Variants in INPP4A observed in about 807,000 individuals in gnomAD.
INPP4A encodes the protein inositol polyphosphate-4-phosphatase, type I, 107kD.
INPP4A carries 33 observed loss-of-function variants against 119.8 expected under a neutral mutation model. The observed-to-expected ratio is 0.28, with a 90% CI of 0.21 to 0.37. The LOEUF (loss-of-function observed/expected upper bound fraction) is 0.37. INPP4A is among the 10% of genes least tolerant of loss of function. The pLI is 1.00. For missense variants in INPP4A, 956 were observed against 1,289.9 expected, an observed-to-expected ratio of 0.74 and a Z score of 3.97; for synonymous variants, 496 against 500.7, an observed-to-expected ratio of 0.99 and a Z score of 0.12.
intron 23 of INPP4A, among the ~76,000 whole-genome samples, chr2:98,574,352 G>C (rs563258428): frequency 2.0e-5 from 3 of 152,190 alleles, no homozygotes; most frequent in East Asian, 1.9e-4. Flanking sequence ...AGAATACAGA[G>C]GGTGGCCGGG....
Position 98,570,967 on chromosome 2 carries a change from G to A in INPP4A, c.2519-1848G>A, listed in dbSNP as rs1434509367. Reference sequence around the variant, plus strand: ...CCCAGAGTGTGGTGGGCAGGACCTGGGCATTAGGGTTTCAGAAACTCCCCA... The same window carrying A: ...CCCAGAGTGTGGTGGGCAGGACCTGAGCATTAGGGTTTCAGAAACTCCCCA... On this transcript the variant is annotated intron_variant, in intron 22 of 24. Transcript: ENST00000409851. This position sits in a 1 kb window ranked among gnomAD's most constrained non-coding sequence, Gnocchi z 4.3. 6.6e-6 allele frequency among the ~76,000 whole-genome samples: 1 copy of A among 152,080 alleles called. No individual in the cohort carries two copies. Among genetic ancestry groups the A allele is most frequent in the African/African-American group, 2.4e-5 (1 of 41,402 alleles).
intron 2 of INPP4A, chr2:98,519,543 C>T (rs1336274723): frequency 6.5e-6 from 1 of 153,956 alleles, no homozygotes; most frequent in African/African-American, 2.4e-5. Context: ...GGACAGCAGA[C>T]TCTTCTGCAG....
At chr2:98,576,008 C>T (rs1698354897) in intron 23 of INPP4A, among the ~76,000 whole-genome samples, 1 of 152,342 alleles carries the variant, frequency 6.6e-6, no homozygotes, top group African/African-American at 2.4e-5. Flanking sequence ...CCATGGTATA[C>T]ATACAGGATT....
In INPP4A at chr2:98,523,683, C is replaced by T. The variant is rs533654799; in HGVS notation, c.151+2952C>T. On this transcript the variant is annotated intron_variant, in intron 4 of 24. Coordinates refer to ENST00000409851, the MANE Select transcript of INPP4A (RefSeq NM_001134225.2). ...TGCTGGGATTACAGGCGTGAGCCAC[C>T]GCGCCTGGCCACCCCAGTTTTTTAA... Among the ~76,000 whole-genome samples, 8 of 152,276 alleles carry T rather than the reference C, an allele frequency of 5.3e-5. No homozygotes were observed. The South Asian group carries it at 1.7e-3, about 32-fold the overall frequency.
At chr2:98,555,505 G>A in intron 15 of INPP4A, 48 bp from the exon 16 acceptor site, 1 of 1,547,346 alleles carries the variant, frequency 6.5e-7, no homozygotes. Flanking sequence ...TTATGTTTGT[G>A]TTTCTGTTCG....
At chr2:98,472,385 C>T (rs919816389) in intron 1 of INPP4A, among the ~76,000 whole-genome samples, 3 of 152,244 alleles carry the variant, frequency 2.0e-5, no homozygotes, top group African/African-American at 7.2e-5. Context: ...CCAGCAGATT[C>T]TCTTGGCTGC....
At chr2:98,557,863 G>A (rs940142970) in intron 16 of INPP4A, among the ~76,000 whole-genome samples, 3 of 129,152 alleles carry the variant, frequency 2.3e-5, no homozygotes, top group Non-Finnish European at 3.3e-5. Context: ...CTCCACCCCC[G>A]CCTGCCAAGG....
In INPP4A at chr2:98,505,820, C is replaced by T. The variant is rs547220804; in HGVS notation, c.-165-13144C>T. Among the ~76,000 whole-genome samples, 5 of 152,304 alleles carry T rather than the reference C, an allele frequency of 3.3e-5. No individual in the cohort carries two copies. The South Asian group carries it at 1.0e-3, about 32-fold the overall frequency. ...TACAATATTTATAGAATCCCTGTCTCCACCATTAGAAATACAGAATATTCT... is the reference window on the plus strand; with the variant it reads ...TACAATATTTATAGAATCCCTGTCTTCACCATTAGAAATACAGAATATTCT... On this transcript the variant is annotated intron_variant, in intron 1 of 24. Transcript: ENST00000409851.
chr2:98,584,231 T>C (rs914429665), intron 24 of INPP4A, among the ~76,000 whole-genome samples: 1 of 152,254 alleles, frequency 6.6e-6, no homozygotes, highest in African/African-American at 2.4e-5. Context: ...ACTAAGACCA[T>C]CTTGTTTGCT....
chr2:98,476,840 A>G (rs1361183414), intron 1 of INPP4A, among the ~76,000 whole-genome samples: 1 of 152,146 alleles, frequency 6.6e-6, no homozygotes, highest in African/African-American at 2.4e-5. Flanking sequence ...TTTTAACAGT[A>G]ATTAACCTTC....
chr2:98,484,242 C>T (rs758766627), intron 1 of INPP4A, among the ~76,000 whole-genome samples: 2 of 152,210 alleles, frequency 1.3e-5, no homozygotes, highest in African/African-American at 2.4e-5. Context: ...TAGCCTTCAG[C>T]TTCCTCTCCC....
chr2:98,448,054 A>C (rs1036428018), intron 1 of INPP4A, among the ~76,000 whole-genome samples: 14 of 150,516 alleles, frequency 9.3e-5, no homozygotes, highest in African/African-American at 3.4e-4. Flanking sequence ...CTCAAAAAAA[A>C]AAAAAAAAAA....
chr2:98,480,857 C>A (rs1372868533), intron 1 of INPP4A, among the ~76,000 whole-genome samples: 1 of 152,210 alleles, frequency 6.6e-6, no homozygotes, highest in East Asian at 1.9e-4. Flanking sequence ...CAGCCAAACT[C>A]CCCCTGTGCT....
chr2:98,566,315 A>G lies in INPP4A; in HGVS notation c.2420+146A>G, dbSNP rs997857054. ...GCCAACATTTTCATCATGGCCGTGC[A>G]CCTCACTGTCTTTGGTGCTAGGGAC... On this transcript the variant is annotated intron_variant, in intron 21 of 24. Transcript: ENST00000409851. The surrounding 1 kb of genome is among the most constrained non-coding windows in gnomAD (Gnocchi z 4.2). 5.5e-6 allele frequency: 5 copies of G among 914,408 alleles called. No homozygotes were observed. The African/African-American group carries it at 8.5e-5, about 16-fold the overall frequency. The allele number at this position is 914,408 out of a possible 1,614,324, so 56.6% of individuals were successfully genotyped here.
intron 1 of INPP4A, among the ~76,000 whole-genome samples, chr2:98,501,321 A>G (rs1159827162): frequency 6.6e-6 from 1 of 151,936 alleles, no homozygotes; most frequent in Non-Finnish European, 1.5e-5. Flanking sequence ...GCAACAGAAC[A>G]AGACTTTGTC....
intron 21 of INPP4A, among the ~76,000 whole-genome samples, chr2:98,567,226 T>C (rs1696624125): frequency 6.6e-6 from 1 of 151,806 alleles, no homozygotes; most frequent in African/African-American, 2.4e-5. Flanking sequence ...AGGGGAGTGT[T>C]GGTGTTCTGC....
At chr2:98,474,692 C>G (rs915239363) in intron 1 of INPP4A, among the ~76,000 whole-genome samples, 9 of 152,240 alleles carry the variant, frequency 5.9e-5, no homozygotes, top group African/African-American at 2.2e-4. Context: ...TTGGCAGCCT[C>G]TCTTTGCAGA....
intron 4 of INPP4A, among the ~76,000 whole-genome samples, chr2:98,529,443 A>G (rs954992998): frequency 4.6e-5 from 7 of 152,124 alleles, no homozygotes; most frequent in African/African-American, 1.7e-4. Flanking sequence ...TCTTTAAAAA[A>G]CCACAGAATT....
In INPP4A at chr2:98,563,238, T is replaced by C. The variant is rs779322407; in HGVS notation, c.1856-227T>C. Among the ~76,000 whole-genome samples, 74 of 152,140 alleles carry C rather than the reference T, an allele frequency of 4.9e-4. 2 individuals carry two copies. Among genetic ancestry groups the C allele is most frequent in the Middle Eastern group, 6.8e-3 (2 of 294 alleles). ...ACAGGTTCAGGAGACCAGGCATGTC[T>C]TGGAGGTACCGGAGTAGAACTGGTG... is the stretch of plus-strand genomic sequence containing the variant. On this transcript the variant is annotated intron_variant, in intron 17 of 24. Transcript: ENST00000409851.
Sources: allele counts gnomAD v4.1 joint callset (sites outside exome capture counted in the v4.1 genomes callset), GRCh38; gene constraint gnomAD v4.1.1; non-coding constraint Gnocchi (gnomAD v3.1); transcripts MANE v1.5; gene names NCBI Gene and HGNC (gene_info 2026-07-23, HGNC 2026-07-21).